The following CAMK2D variants were observed in gnomAD, a reference collection of about 807,000 sequenced individuals.
CAMK2D encodes calcium/calmodulin dependent protein kinase II delta.
CAMK2D carries 37 observed loss-of-function variants against 84.0 expected under a neutral mutation model. The observed-to-expected ratio is 0.44, with a 90% confidence interval of 0.34 to 0.58. The LOEUF (loss-of-function observed/expected upper bound fraction) is 0.58. Among genes scored for constraint, CAMK2D ranks in the 20% least tolerant of loss-of-function variants. CAMK2D has a pLI of 0.02. For missense variants in CAMK2D, 448 were observed against 652.5 expected, an observed-to-expected ratio of 0.69 and a Z score of 3.41; for synonymous variants, 202 against 212.5, an observed-to-expected ratio of 0.95 and a Z score of 0.43.
intron 4 of CAMK2D, among the ~76,000 whole-genome samples, chr4:113,557,119 T>A (rs534718580): frequency 6.6e-6 from 1 of 152,112 alleles, no homozygotes; most frequent in African/African-American, 2.4e-5. Context: ...AAGACTTCTA[T>A]CTCCACTACA....
At chr4:113,747,179 C>T (rs2099606262) in intron 2 of CAMK2D, among the ~76,000 whole-genome samples, 2 of 151,728 alleles carry the variant, frequency 1.3e-5, no homozygotes. Context: ...TCGAAGTTGT[C>T]TTCTAAGTGA....
intron 2 of CAMK2D, among the ~76,000 whole-genome samples, chr4:113,753,237 T>C (rs775009231): frequency 2.6e-5 from 4 of 151,242 alleles, no homozygotes; most frequent in Admixed American, 6.6e-5. Context: ...TATATACTTA[T>C]TGTCTCATAG....
At chr4:113,473,158 C>T (rs1273775305) in intron 16 of CAMK2D, among the ~76,000 whole-genome samples, 1 of 152,204 alleles carries the variant, frequency 6.6e-6, no homozygotes, top group Non-Finnish European at 1.5e-5. Flanking sequence ...TACTTAATTA[C>T]TAGGCTAAGG....
At chr4:113,693,765 A>G (rs1178242009) in intron 2 of CAMK2D, among the ~76,000 whole-genome samples, 1 of 152,220 alleles carries the variant, frequency 6.6e-6, no homozygotes, top group Non-Finnish European at 1.5e-5. Flanking sequence ...ATCAATAAAA[A>G]TGCTTTCATT....
chr4:113,620,388 A>T (rs2099040507), intron 3 of CAMK2D, among the ~76,000 whole-genome samples: 1 of 152,188 alleles, frequency 6.6e-6, no homozygotes, highest in South Asian at 2.1e-4. Flanking sequence ...AATTAAAGGG[A>T]AAAAGAAAAC....
intron 3 of CAMK2D, among the ~76,000 whole-genome samples, chr4:113,627,431 G>A (rs2099072708): frequency 1.3e-5 from 2 of 152,218 alleles, no homozygotes; most frequent in East Asian, 3.9e-4. Context: ...TTTCCTGCAA[G>A]CCCCTAGTCA....
chr4:113,519,547 T>C (rs1267981648), intron 8 of CAMK2D, among the ~76,000 whole-genome samples: 1 of 152,140 alleles, frequency 6.6e-6, no homozygotes, highest in Non-Finnish European at 1.5e-5. Flanking sequence ...ATAGGTGCTA[T>C]TGACTAGCCT....
chr4:113,734,275 C>T (rs2099575990), intron 2 of CAMK2D, among the ~76,000 whole-genome samples: 1 of 151,936 alleles, frequency 6.6e-6, no homozygotes, highest in East Asian at 1.9e-4. Flanking sequence ...TTTTTTTCTC[C>T]TTAACTCTTT....
At chr4:113,662,905 A>C (rs2154315029) in intron 2 of CAMK2D, among the ~76,000 whole-genome samples, 1 of 152,368 alleles carries the variant, frequency 6.6e-6, no homozygotes, top group African/African-American at 2.4e-5. Flanking sequence ...GAACTGTTGT[A>C]TATAATGTAT....
At chr4:113,632,066 C>T (rs2099091899) in intron 3 of CAMK2D, among the ~76,000 whole-genome samples, 1 of 152,046 alleles carries the variant, frequency 6.6e-6, no homozygotes, top group South Asian at 2.1e-4. Context: ...TAAGAAGTTA[C>T]AGGCTAACAA....
intron 2 of CAMK2D, among the ~76,000 whole-genome samples, chr4:113,755,828 G>T (rs775675021): frequency 3.4e-4 from 51 of 151,826 alleles, no homozygotes; most frequent in Non-Finnish European, 5.9e-4. Context: ...GGATTAAAAT[G>T]GCGTAATTTC....
intron 16 of CAMK2D, among the ~76,000 whole-genome samples, chr4:113,479,081 A>C (rs577450055): frequency 6.6e-6 from 1 of 152,320 alleles, no homozygotes; most frequent in Non-Finnish European, 1.5e-5. Flanking sequence ...AACAAATCAT[A>C]GGTCTTTCAC....
intron 5 of CAMK2D, 21 bp from the exon 6 acceptor site, chr4:113,547,737 G>A (rs2098593457): frequency 2.0e-6 from 3 of 1,506,356 alleles, no homozygotes; most frequent in Non-Finnish European, 2.7e-6. Flanking sequence ...ACACCAGGGG[G>A]CGTGTGTTAG....
chr4:113,580,775 G>A (rs1395102738), intron 4 of CAMK2D, among the ~76,000 whole-genome samples: 9 of 151,988 alleles, frequency 5.9e-5, no homozygotes, highest in Non-Finnish European at 1.5e-5. Context: ...TGTATTCAGG[G>A]CTCTGAGTGC....
intron 19 of CAMK2D, chr4:113,456,596 A>G (rs989630927): frequency 6.6e-6 from 1 of 152,214 alleles, no homozygotes; most frequent in Non-Finnish European, 1.5e-5. Flanking sequence ...TCTTATATAC[A>G]AAGTGTACTT....
chr4:113,465,848 C>T (rs182956849), intron 16 of CAMK2D, among the ~76,000 whole-genome samples: 65 of 152,130 alleles, frequency 4.3e-4, no homozygotes, highest in African/African-American at 1.5e-3. Context: ...TTTAACATGA[C>T]TCTCAGGTGA....
intron 4 of CAMK2D, among the ~76,000 whole-genome samples, chr4:113,596,850 C>T (rs527492458): frequency 2.1e-3 from 306 of 149,262 alleles, no homozygotes; most frequent in African/African-American, 6.9e-3. Context: ...GATGGAGCCT[C>T]GCTCTGTCGC....
chr4:113,610,924 C>G (rs1395171596), intron 3 of CAMK2D, among the ~76,000 whole-genome samples: 2 of 152,150 alleles, frequency 1.3e-5, no homozygotes, highest in Middle Eastern at 3.4e-3. Flanking sequence ...TCTTGCATCC[C>G]ACACAGAGAT....
At chr4:113,755,013 T>A in intron 2 of CAMK2D, 1 of 983,994 alleles carries the variant, frequency 1.0e-6, no homozygotes, top group Middle Eastern at 5.2e-4. Flanking sequence ...ACTTAATCCA[T>A]CTACATAGTC....
Sources: gnomAD v4.1 joint callset for allele counts (sites outside exome capture counted in the v4.1 genomes callset) on GRCh38, gnomAD v4.1.1 for gene constraint, MANE v1.5 for transcripts, NCBI Gene and HGNC (gene_info 2026-07-23, HGNC 2026-07-21) for gene names.